Variants in BPIFA2 observed in about 807,000 individuals in gnomAD.
BPIFA2 encodes the protein BPI fold containing family A member 2, also known as BPI fold-containing family A member 2.
BPIFA2 carries 20 observed loss-of-function variants against 25.7 expected under a neutral mutation model. That is an observed-to-expected ratio of 0.78 (90% confidence interval 0.55 to 1.13). The LOEUF is 1.13. BPIFA2 is among the 50% of genes most tolerant of loss of function. BPIFA2 has a pLI of 0.00. For missense variants in BPIFA2, 300 were observed against 298.1 expected (o/e 1.01, Z -0.05); for synonymous variants, 126 against 124.3 (o/e 1.01, Z -0.09).
chr20:33,174,316 G>T lies in BPIFA2; in HGVS notation c.410+130G>T, dbSNP rs951983744. On this transcript the variant is annotated intron_variant, in intron 4 of 8. Transcript: ENST00000354932. ...GGCCTCAGTTTCCCAATCTGTGAGTGAGAGAACCCTTCTGGGTCTAAGATC... is the reference window on the plus strand; with the variant it reads ...GGCCTCAGTTTCCCAATCTGTGAGTTAGAGAACCCTTCTGGGTCTAAGATC... The T allele has an allele frequency of 9.4e-6, 7 of 747,606 alleles. No homozygotes were observed. In the African/African-American group the frequency reaches 1.2e-4, roughly 13 times the overall value. The allele number at this position is 747,606 out of a possible 1,614,324, so 46.3% of individuals were successfully genotyped here.
chr20:33,170,016 G>A (rs948382669), intron 2 of BPIFA2, among the ~76,000 whole-genome samples: 1 of 152,094 alleles, frequency 6.6e-6, no homozygotes, highest in Non-Finnish European at 1.5e-5. Context: ...GTTTTTGTAG[G>A]AGGAGGTAAC....
chr20:33,175,660 G>A, intron 5 of BPIFA2, 101 bp downstream of exon 5: 1 of 1,304,774 alleles, frequency 7.7e-7, no homozygotes. Flanking sequence ...AGTGGTGAAA[G>A]TGTTCAGGCT....
chr20:33,180,250 A>G lies in BPIFA2; in HGVS notation c.710-270A>G, dbSNP rs900735165. Among the ~76,000 whole-genome samples the G allele has an allele frequency of 3.3e-5, 5 of 152,054 alleles. No individual in the cohort carries two copies. In the East Asian group the frequency reaches 9.7e-4, roughly 29 times the overall value. ...AGAAAAAAAAAAAGAAGAAGAAGAA[A>G]GGAAATAGCCACAAGTCCAGTCCCT... On this transcript the variant is annotated intron_variant, in intron 7 of 8. Coordinates refer to ENST00000354932, the MANE Select transcript of BPIFA2 (RefSeq NM_080574.4).
In BPIFA2 at chr20:33,172,942, G is replaced by A; in HGVS notation, c.168G>A (p.Glu56=). Residue 56 remains glutamate, a synonymous_variant, in exon 3 of 9, where the codon GAG becomes GAA. Transcript: ENST00000354932. ...GATTGTTTTTGGCAGGCATCCTTGAGAAACTGAAGGTCGACCTAGGAGTGC... is the reference window on the plus strand; with the variant it reads ...GATTGTTTTTGGCAGGCATCCTTGAAAAACTGAAGGTCGACCTAGGAGTGC... ...TVDNTLKGIL[E]KLKVDLGVLQ... 1 of 1,612,580 alleles carries A rather than the reference G, an allele frequency of 6.2e-7. No homozygotes were observed. The highest frequency in any genetic ancestry group is 1.1e-5 in the South Asian group (1 of 90,692).
upstream of BPIFA2, among the ~76,000 whole-genome samples, chr20:33,166,129 G>A (rs899331121): frequency 6.6e-6 from 1 of 152,112 alleles, no homozygotes; most frequent in Admixed American, 6.6e-5. Context: ...TAATTCTTCT[G>A]CTTCAGCCTC....
At chr20:33,180,900 T>C (rs1984256392) in intron 8 of BPIFA2, among the ~76,000 whole-genome samples, 1 of 152,176 alleles carries the variant, frequency 6.6e-6, no homozygotes. Flanking sequence ...TGGTCTCAAA[T>C]GGATATCCAT....
intron 1 of BPIFA2, 132 bp from the exon 2 acceptor site, chr20:33,168,999 G>C: frequency 1.2e-6 from 1 of 831,782 alleles, no homozygotes; most frequent in Non-Finnish European, 1.9e-6. Context: ...GACCTTGGCT[G>C]CCCATTTGTA....
At chr20:33,180,687 C>G (rs750853122) in intron 8 of BPIFA2, 90 bp downstream of exon 8, 6 of 1,072,020 alleles carry the variant, frequency 5.6e-6, no homozygotes, top group Non-Finnish European at 8.4e-6. Flanking sequence ...TGTTAGAAGA[C>G]TGTGCCTTCA....
upstream of BPIFA2, among the ~76,000 whole-genome samples, chr20:33,167,804 G>A (rs527612413): frequency 2.6e-4 from 39 of 152,272 alleles, no homozygotes; most frequent in South Asian, 6.2e-4. Flanking sequence ...AAATGATGAC[G>A]GAGTTAGACC....
intron 5 of BPIFA2, 94 bp downstream of exon 5, chr20:33,175,653 G>T: frequency 1.5e-6 from 2 of 1,358,680 alleles, no homozygotes; most frequent in South Asian, 1.4e-5. Flanking sequence ...GAGGCCTAGT[G>T]GTGAAAGTGT....
intron 2 of BPIFA2, among the ~76,000 whole-genome samples, chr20:33,170,687 C>A (rs918472181): frequency 6.6e-6 from 1 of 152,226 alleles, no homozygotes; most frequent in Non-Finnish European, 1.5e-5. Context: ...AGCCACCACA[C>A]CCAGTCACGA....
At chr20:33,178,781 C>T (rs1488876635) in intron 6 of BPIFA2, among the ~76,000 whole-genome samples, 1 of 152,152 alleles carries the variant, frequency 6.6e-6, no homozygotes. Context: ...CTGTGACCCA[C>T]TGAACCGGAG....
chr20:33,162,073 C>T (rs1333792465), intron 1 of BPIFA2, among the ~76,000 whole-genome samples: 1 of 152,120 alleles, frequency 6.6e-6, no homozygotes, highest in African/African-American at 2.4e-5. Context: ...CTCTGCTTCC[C>T]GGGTTCAAAT....
intron 5 of BPIFA2, among the ~76,000 whole-genome samples, chr20:33,176,728 G>A (rs776864477): frequency 6.6e-6 from 1 of 152,104 alleles, no homozygotes; most frequent in Non-Finnish European, 1.5e-5. Flanking sequence ...TGCTCCCCAT[G>A]GTCATGAAGG....
At chr20:33,167,709 G>C (rs543613217), upstream of BPIFA2, among the ~76,000 whole-genome samples, 2 of 152,068 alleles carry the variant, frequency 1.3e-5, no homozygotes, top group Non-Finnish European at 1.5e-5. Context: ...GACTCCTTGT[G>C]GGCCACAATT....
intron 4 of BPIFA2, 39 bp from the exon 5 acceptor site, chr20:33,175,368 C>T (rs757943987): frequency 1.3e-6 from 2 of 1,595,752 alleles, no homozygotes; most frequent in African/African-American, 1.3e-5. Flanking sequence ...CAGGCAGGAA[C>T]TTCTAGACTT....
At chr20:33,170,387 C>CATAATTAAGT (rs1983859294) in intron 2 of BPIFA2, among the ~76,000 whole-genome samples, 1 of 152,108 alleles carries the variant, frequency 6.6e-6, no homozygotes, top group Admixed American at 6.6e-5. Context: ...TAATTATTTT[C>CATAATTAAGT]ATGAGCATCA....
At chr20:33,165,023 C>T (rs755159034), upstream of BPIFA2, among the ~76,000 whole-genome samples, 9 of 152,206 alleles carry the variant, frequency 5.9e-5, no homozygotes, top group African/African-American at 1.7e-4. Flanking sequence ...ATGTGGAATC[C>T]GGGACTTAGG....
intron 6 of BPIFA2, among the ~76,000 whole-genome samples, chr20:33,178,737 G>T (rs1160583622): frequency 6.6e-6 from 1 of 152,192 alleles, no homozygotes; most frequent in Non-Finnish European, 1.5e-5. Context: ...ACCCAGGAAT[G>T]TGGGTTTATA....
Sources: allele counts gnomAD v4.1 joint callset (sites outside exome capture counted in the v4.1 genomes callset), GRCh38; gene constraint gnomAD v4.1.1; transcripts MANE v1.5; gene names NCBI Gene and HGNC (gene_info 2026-07-23, HGNC 2026-07-21).